Variants in CTCFL observed in about 807,000 individuals in gnomAD.
CTCFL encodes the protein CCCTC-binding factor like, also known as transcriptional repressor CTCFL.
In CTCFL, 36 loss-of-function variants were observed where a neutral mutation model predicts 67.4. The ratio of observed to expected loss-of-function variants is 0.53; its 90% CI spans 0.41 to 0.71. The LOEUF (loss-of-function observed/expected upper bound fraction) is 0.71. Among genes scored for constraint, CTCFL ranks in the 30% least tolerant of loss-of-function variants. The pLI is 0.00. For missense variants in CTCFL, 786 were observed against 835.2 expected (o/e 0.94, Z 0.73); for synonymous variants, 324 against 302.3 (o/e 1.07, Z -0.75).
At position 57,523,878 on chromosome 20, in the gene CTCFL, C is replaced by T. The variant is rs775475783; in HGVS notation, c.328G>A (p.Val110Met). The T allele has an allele frequency of 7.4e-6, 12 of 1,613,110 alleles. No homozygotes were observed. In the South Asian group the frequency reaches 1.3e-4, roughly 18 times the overall value. The change falls in exon 2 of 11, where the codon GTG becomes ATG. Residue 110 changes from valine (V) to methionine (M), a missense_variant. Val to Met is a conservative substitution (Grantham distance 21). Around this residue, in one of 3 missense-constraint regions of CTCFL, gnomAD observed 333 missense variants for 304.6 expected, o/e 1.09. Coordinates refer to ENST00000243914, the MANE Select transcript of CTCFL (RefSeq NM_001386993.1). ...LSIQQQEGVQ[V>M]VVQQPGPGLL... The stretch of plus-strand genomic sequence containing the variant: ...CCAGGGCCAGGCTGTTGCACCACCA[C>T]CTGCACCCCTTCTTGCTGCTGTATG...
intron 3 of CTCFL, among the ~76,000 whole-genome samples, chr20:57,521,358 G>A (rs1340954453): frequency 2.6e-5 from 4 of 152,184 alleles, no homozygotes; most frequent in Non-Finnish European, 5.9e-5. Context: ...AAACTACAAC[G>A]AGATACCTCT....
At position 57,521,151 on chromosome 20, in the gene CTCFL, T is replaced by A. The variant is rs575401123; in HGVS notation, c.755-1774A>T. ...TTCACACTCGTAGCTTCCACAACTG[T>A]GAGAGGTATGTTTCTGTTGTTTGAA... On this transcript the variant is annotated intron_variant, in intron 3 of 10. Transcript: ENST00000243914. Among the ~76,000 whole-genome samples the A allele has an allele frequency of 1.4e-3, 206 of 152,368 alleles. 1 individual carries two copies. Among genetic ancestry groups the A allele is most frequent in the African/African-American group, 4.6e-3 (191 of 41,592 alleles).
At chr20:57,499,329 G>C (rs949205542) in intron 10 of CTCFL, among the ~76,000 whole-genome samples, 4 of 152,172 alleles carry the variant, frequency 2.6e-5, no homozygotes, top group Non-Finnish European at 5.9e-5. Context: ...CGTTCTGCTA[G>C]GGATGCTGGG....
rs182420679 is a variant in CTCFL, at chr20:57,522,862, T to C, written c.754+206A>G. On this transcript the variant is annotated intron_variant, in intron 3 of 10. Coordinates refer to ENST00000243914, the MANE Select transcript of CTCFL (RefSeq NM_001386993.1). ...CAAGGCTTTGTGGGAACATTTTTAC[T>C]GTGCTTTCAAAACGTTTGTGTGTAA... is the stretch of plus-strand genomic sequence containing the variant. Among the ~76,000 whole-genome samples, 506 of 152,366 alleles carry C rather than the reference T, an allele frequency of 3.3e-3. 1 individual carries two copies. Among genetic ancestry groups the C allele is most frequent in the Non-Finnish European group, 6.3e-3 (426 of 68,036 alleles).
chr20:57,503,421 G>T lies in CTCFL; in HGVS notation c.1840+15C>A, dbSNP rs2068018646. 6.2e-7 allele frequency: 1 copy of T among 1,613,690 alleles called. No individual in the cohort carries two copies. Among genetic ancestry groups the T allele is most frequent in the African/African-American group, 1.3e-5 (1 of 74,892 alleles). The stretch of plus-strand genomic sequence containing the variant: ...TCACTGAGGCGGTAAAAACAAATCT[G>T]CGTAAAATCAGTACCGTCTCCGTTC... On this transcript the variant is annotated intron_variant, in intron 10 of 10. Coordinates refer to ENST00000243914, the MANE Select transcript of CTCFL (RefSeq NM_001386993.1).
At chr20:57,507,064 A>G in intron 9 of CTCFL, 2 of 989,748 alleles carry the variant, frequency 2.0e-6, no homozygotes, top group Non-Finnish European at 2.4e-6. Flanking sequence ...CCAAGGATCT[A>G]GCTAGCCATG....
intron 8 of CTCFL, among the ~76,000 whole-genome samples, chr20:57,511,522 A>G (rs1375093108): frequency 6.6e-6 from 1 of 152,140 alleles, no homozygotes; most frequent in African/African-American, 2.4e-5. Flanking sequence ...TGAGTTATGC[A>G]GATCTTCTAA....
chr20:57,518,936 G>T (rs755565275), intron 4 of CTCFL, 45 bp from the exon 5 acceptor site: 1 of 1,560,658 alleles, frequency 6.4e-7, no homozygotes, highest in South Asian at 1.2e-5. Context: ...GACTTAACCA[G>T]AAACATTCCA....
chr20:57,498,714 T>C lies in CTCFL; in HGVS notation c.1841-13A>G. The C allele has an allele frequency of 6.2e-7, 1 of 1,601,044 alleles. No homozygotes were observed. Among genetic ancestry groups the C allele is most frequent in the Non-Finnish European group, 8.5e-7 (1 of 1,173,582 alleles). On this transcript the variant is annotated splice_polypyrimidine_tract_variant and intron_variant, in intron 10 of 10. Coordinates refer to ENST00000243914, the MANE Select transcript of CTCFL (RefSeq NM_001386993.1). Reference sequence around the variant, plus strand: ...TCAGCAGCAGCTTCTTGAGAAAAAGTCCAGGATGAGCAAATTTATCAGAAA... The same window carrying C: ...TCAGCAGCAGCTTCTTGAGAAAAAGCCCAGGATGAGCAAATTTATCAGAAA...
intron 9 of CTCFL, among the ~76,000 whole-genome samples, chr20:57,504,316 G>T (rs1600641591): frequency 1.6e-5 from 2 of 128,616 alleles, no homozygotes; most frequent in South Asian, 2.4e-4. Flanking sequence ...GTCTCGCTCT[G>T]TCACCCAGGC....
intron 9 of CTCFL, 76 bp downstream of exon 9, chr20:57,508,530 C>T (rs761186441): frequency 3.3e-5 from 47 of 1,438,204 alleles, no homozygotes; most frequent in Non-Finnish European, 1.5e-5. Context: ...GGTTTAAACT[C>T]TCCTGGTGTG....
chr20:57,500,085 A>AT (rs3068009), intron 10 of CTCFL: 78,437 of 893,390 alleles, frequency 0.088, 403 homozygotes, highest in African/African-American at 0.13. Flanking sequence ...TCCTTGAAGT[A>AT]TTTTTTTTTT....
chr20:57,497,587 G>A lies in CTCFL; in HGVS notation c.*963C>T. ...GTGTTAAAGAGGCATCTCTCACGCT[G>A]CTCGAGGGTGGAAAAATCTTGTCAA... On this transcript the variant is annotated 3_prime_UTR_variant, in exon 11 of 11. Transcript: ENST00000243914. The A allele has an allele frequency of 1.0e-6, 1 of 985,412 alleles. No homozygotes were observed. Among genetic ancestry groups the A allele is most frequent in the Non-Finnish European group, 1.2e-6 (1 of 829,918 alleles). The allele number at this position is 985,412 out of a possible 1,614,324, so 61.0% of individuals were successfully genotyped here.
chr20:57,498,344 T>G lies in CTCFL; in HGVS notation c.*206A>C. ...AACAATTCTAGACACTACCTCAAAC[T>G]TGTGTCATCCATTGTCATGAACTTA... On this transcript the variant is annotated 3_prime_UTR_variant, in exon 11 of 11. Coordinates refer to ENST00000243914, the MANE Select transcript of CTCFL (RefSeq NM_001386993.1). 1 of 1,316,186 alleles carries G rather than the reference T, an allele frequency of 7.6e-7. No individual in the cohort carries two copies. Among genetic ancestry groups the G allele is most frequent in the Non-Finnish European group, 9.7e-7 (1 of 1,029,004 alleles). 81.5% of individuals were successfully genotyped at this position (1,316,186 alleles called of 1,614,324 possible). A position where few individuals can be genotyped will look rare whatever the true frequency, so the allele number is the denominator to read the frequency against.
chr20:57,498,466 G>A lies in CTCFL; in HGVS notation c.*84C>T. ...CTCTCTCTCACTTATCCATCGTGTT[G>A]AGGAGCATTTCACACCTTAAATGCT... On this transcript the variant is annotated 3_prime_UTR_variant, in exon 11 of 11. Transcript: ENST00000243914. 1 of 1,531,886 alleles carries A rather than the reference G, an allele frequency of 6.5e-7. No individual in the cohort carries two copies. Among genetic ancestry groups the A allele is most frequent in the Non-Finnish European group, 8.8e-7 (1 of 1,136,166 alleles). The allele number at this position is 1,531,886 out of a possible 1,614,324, so 94.9% of individuals were successfully genotyped here. A position where few individuals can be genotyped will look rare whatever the true frequency, so the allele number is the denominator to read the frequency against.
At position 57,507,905 on chromosome 20, in the gene CTCFL, C is replaced by T. The variant is rs528553156; in HGVS notation, c.1674+701G>A. On this transcript the variant is annotated intron_variant, in intron 9 of 10. Transcript: ENST00000243914. ...AAAGAATAAAACCATAAATGTATTG[C>T]TTAGTCCAGTACCAACAGCACTATT... 7.1e-6 allele frequency: 5 copies of T among 702,304 alleles called. No individual in the cohort carries two copies. The African/African-American group carries it at 8.7e-5, about 12-fold the overall frequency. 43.5% of individuals were successfully genotyped at this position (702,304 alleles called of 1,614,324 possible). A position where few individuals can be genotyped will look rare whatever the true frequency, so the allele number is the denominator to read the frequency against.
chr20:57,496,377 T>C, downstream of CTCFL: 1 of 590,412 alleles, frequency 1.7e-6, no homozygotes, highest in South Asian at 2.0e-5. Context: ...ATGAGTCAAT[T>C]AAAACTCTTT....
intron 3 of CTCFL, among the ~76,000 whole-genome samples, chr20:57,520,975 T>C (rs199730963): frequency 6.6e-6 from 1 of 152,208 alleles, no homozygotes; most frequent in Non-Finnish European, 1.5e-5. Flanking sequence ...AATAATTCCA[T>C]GTGATAACAG....
Position 57,524,977 on chromosome 20 carries a change from CCCATGCT to C in CTCFL, c.-12+44_-12+50del, listed in dbSNP as rs565130796. ...CTCCCTCCGCCCACGCCCAGAACAGCCCATGCTCTTGGAGGAGAGCAGGTGGGCTTGA... is the reference window on the plus strand; with the variant it reads ...CTCCCTCCGCCCACGCCCAGAACAGCCTTGGAGGAGAGCAGGTGGGCTTGA... On this transcript the variant is annotated intron_variant, in intron 1 of 10. Coordinates refer to ENST00000243914, the MANE Select transcript of CTCFL (RefSeq NM_001386993.1). 2.3e-3 allele frequency: 361 copies of C among 154,576 alleles called. 1 individual carries two copies. Among genetic ancestry groups the C allele is most frequent in the African/African-American group, 8.2e-3 (343 of 41,580 alleles). The allele number at this position is 154,576 out of a possible 1,614,324, so 9.6% of individuals were successfully genotyped here.
Sources: gnomAD v4.1 joint callset for allele counts (sites outside exome capture counted in the v4.1 genomes callset) on GRCh38, gnomAD v4.1.1 for gene constraint, gnomAD v4.1.1 regional missense constraint, MANE v1.5 for transcripts, NCBI Gene and HGNC (gene_info 2026-07-23, HGNC 2026-07-21) for gene names.